The following DEUP1 variants were observed in gnomAD, a reference collection of about 807,000 sequenced individuals.
The protein encoded by DEUP1 is coiled-coil domain containing 67.
Under a neutral mutation model 87.4 loss-of-function variants are expected in DEUP1, and 82 were observed. The observed-to-expected ratio is 0.94, with a 90% confidence interval of 0.78 to 1.13. DEUP1 has a LOEUF of 1.13. Ranked by LOEUF, DEUP1 falls within the 50% of genes most tolerant of loss-of-function variation. The pLI, the probability that DEUP1 is intolerant of heterozygous loss-of-function variation, is 0.00. For missense variants in DEUP1, 663 were observed against 681.5 expected (o/e 0.97, Z 0.30); for synonymous variants, 214 against 222.7 (o/e 0.96, Z 0.35).
In DEUP1 at chr11:93,420,485, C is replaced by G. The variant is rs1306501821; in HGVS notation, c.1638+5371C>G. Among the ~76,000 whole-genome samples the G allele has an allele frequency of 5.3e-5, 8 of 151,240 alleles. No homozygotes were observed. The East Asian group carries it at 1.5e-3, about 29-fold the overall frequency. ...TGAATGGGCAAAAACTGGAAGCATT[C>G]CCTTTGAAAACTGGCACAAGACAGG... On this transcript the variant is annotated intron_variant, in intron 13 of 13. Transcript: ENST00000298050.
At chr11:93,433,182 T>G (rs890816201) in intron 13 of DEUP1, among the ~76,000 whole-genome samples, 1 of 152,164 alleles carries the variant, frequency 6.6e-6, no homozygotes, top group East Asian at 1.9e-4. Context: ...CTAAAAAATT[T>G]TATTGAAAAC....
Position 93,370,296 on chromosome 11 carries a change from G to A in DEUP1, c.546+110G>A, listed in dbSNP as rs575546363. ...ACAGACATGCCAACTAAGAAAAAAC[G>A]AGAGTAGGTCCAAAGGTGGGTACAG... On this transcript the variant is annotated intron_variant, in intron 6 of 13. Coordinates refer to ENST00000298050, the MANE Select transcript of DEUP1 (RefSeq NM_181645.4). The A allele has an allele frequency of 3.5e-5, 17 of 483,636 alleles. No homozygotes were observed. In the African/African-American group the frequency reaches 3.6e-4, roughly 10 times the overall value. 30.0% of individuals were successfully genotyped at this position (483,636 alleles called of 1,614,324 possible). A position where few individuals can be genotyped will look rare whatever the true frequency, so the allele number is the denominator to read the frequency against.
intron 2 of DEUP1, among the ~76,000 whole-genome samples, chr11:93,335,280 A>G (rs867585247): frequency 8.6e-5 from 13 of 151,832 alleles, no homozygotes; most frequent in East Asian, 5.8e-4. Flanking sequence ...GACTCTGTCA[A>G]TTTCACTAAG....
intron 7 of DEUP1, among the ~76,000 whole-genome samples, chr11:93,374,516 A>G (rs1324532487): frequency 2.0e-5 from 3 of 152,062 alleles, no homozygotes; most frequent in African/African-American, 7.2e-5. Flanking sequence ...AATTATTCCA[A>G]CACCATTTGT....
At chr11:93,388,448 G>T (rs1482393137) in intron 8 of DEUP1, among the ~76,000 whole-genome samples, 1 of 151,916 alleles carries the variant, frequency 6.6e-6, no homozygotes, top group African/African-American at 2.4e-5. Context: ...CCTCCTGTGG[G>T]TATTATACTC....
At chr11:93,347,661 A>C (rs1944419413) in intron 2 of DEUP1, among the ~76,000 whole-genome samples, 1 of 152,064 alleles carries the variant, frequency 6.6e-6, no homozygotes, top group Non-Finnish European at 1.5e-5. Flanking sequence ...TTTGGTTGTT[A>C]GGCTATTTAT....
chr11:93,386,664 GA>G (rs1946574771), intron 8 of DEUP1, among the ~76,000 whole-genome samples: 1 of 152,104 alleles, frequency 6.6e-6, no homozygotes, highest in Non-Finnish European at 1.5e-5. Context: ...TCCCTAAAAT[GA>G]CCTATTTGTG....
intron 2 of DEUP1, among the ~76,000 whole-genome samples, chr11:93,334,729 A>G (rs1261064141): frequency 2.6e-5 from 4 of 152,206 alleles, no homozygotes; most frequent in Non-Finnish European, 4.4e-5. Flanking sequence ...ATGTTAATTT[A>G]TCCATGATTT....
intron 10 of DEUP1, among the ~76,000 whole-genome samples, chr11:93,395,792 TA>T (rs1279484338): frequency 6.6e-6 from 1 of 152,112 alleles, no homozygotes; most frequent in African/African-American, 2.4e-5. Flanking sequence ...AAGTAGTCAC[TA>T]AAAAAGATGG....
rs185123092 is a variant in DEUP1 at position 93,368,294 on chromosome 11, C to A, written c.433-1779C>A. On this transcript the variant is annotated intron_variant, in intron 5 of 13. Transcript: ENST00000298050. ...AATACCATAGACTGGGTGGCATAAA[C>A]AACAGACATTTATTTTTCACAGTTC... is the stretch of plus-strand genomic sequence containing the variant. Among the ~76,000 whole-genome samples, 209 of 152,328 alleles carry A rather than the reference C, an allele frequency of 1.4e-3. 2 individuals carry two copies. The highest frequency in any genetic ancestry group is 4.6e-3 in the African/African-American group (190 of 41,580).
intron 2 of DEUP1, chr11:93,352,487 A>C: frequency 1.5e-6 from 1 of 671,836 alleles, no homozygotes; most frequent in Non-Finnish European, 2.7e-6. Context: ...TTTGAAACTC[A>C]ATAAACCCTC....
intron 2 of DEUP1, among the ~76,000 whole-genome samples, chr11:93,346,208 G>T (rs1944342498): frequency 6.6e-6 from 1 of 152,060 alleles, no homozygotes; most frequent in Admixed American, 6.6e-5. Flanking sequence ...TGTTCCATTG[G>T]TCTATGTGTC....
chr11:93,416,718 C>A (rs1947645005), intron 13 of DEUP1, among the ~76,000 whole-genome samples: 1 of 151,758 alleles, frequency 6.6e-6, no homozygotes, highest in African/African-American at 2.4e-5. Context: ...CTGGCAGAGA[C>A]ACAACCAAAT....
intron 5 of DEUP1, among the ~76,000 whole-genome samples, chr11:93,367,754 A>G (rs932401068): frequency 3.9e-5 from 6 of 152,234 alleles, no homozygotes; most frequent in African/African-American, 1.2e-4. Flanking sequence ...TTCTATATGC[A>G]ATAATATACA....
At chr11:93,335,397 T>C (rs1013098606) in intron 2 of DEUP1, among the ~76,000 whole-genome samples, 5 of 152,232 alleles carry the variant, frequency 3.3e-5, no homozygotes, top group Admixed American at 3.3e-4. Context: ...AAAAAAGTTA[T>C]ATAATCAAAC....
At chr11:93,357,281 T>G in intron 4 of DEUP1, 1 of 291,992 alleles carries the variant, frequency 3.4e-6, no homozygotes, top group Admixed American at 5.0e-5. Flanking sequence ...TTTCTATTTC[T>G]CAAGAGACTT....
chr11:93,355,782 A>G (rs540284246), intron 3 of DEUP1, among the ~76,000 whole-genome samples: 1 of 152,210 alleles, frequency 6.6e-6, no homozygotes, highest in Non-Finnish European at 1.5e-5. Context: ...CCATCTGTAA[A>G]AGTAAGCAAA....
At chr11:93,352,948 C>A (rs1169112230) in intron 2 of DEUP1, among the ~76,000 whole-genome samples, 11 of 152,030 alleles carry the variant, frequency 7.2e-5, no homozygotes, top group Non-Finnish European at 1.6e-4. Flanking sequence ...CAACCCTGGC[C>A]CCTCCAAATC....
At chr11:93,399,949 G>T (rs2134385980) in intron 11 of DEUP1, among the ~76,000 whole-genome samples, 1 of 151,990 alleles carries the variant, frequency 6.6e-6, no homozygotes, top group African/African-American at 2.4e-5. Flanking sequence ...TCATATATTT[G>T]TTCTTAATTT....
Sources: allele counts gnomAD v4.1 joint callset (sites outside exome capture counted in the v4.1 genomes callset), GRCh38; gene constraint gnomAD v4.1.1; transcripts MANE v1.5; gene names NCBI Gene and HGNC (gene_info 2026-07-23, HGNC 2026-07-21).